Variants in MYO10 observed in about 807,000 individuals in gnomAD.
MYO10 encodes the protein unconventional myosin-X.
In MYO10, 133 loss-of-function variants were observed where a neutral mutation model predicts 257.3. That is an observed-to-expected ratio of 0.52 (90% CI 0.45 to 0.60). The LOEUF is 0.60. Among genes scored for constraint, MYO10 ranks in the 20% least tolerant of loss-of-function variants. MYO10 has a pLI of 0.00. For missense variants in MYO10, 2,399 were observed against 2,635.7 expected (o/e 0.91, Z 1.97); for synonymous variants, 1,104 against 1,028.6 (o/e 1.07, Z -1.40).
At chr5:16,888,973 G>GA (rs1744967401) in intron 1 of MYO10, among the ~76,000 whole-genome samples, 1 of 152,018 alleles carries the variant, frequency 6.6e-6, no homozygotes, top group Admixed American at 6.5e-5. Flanking sequence ...AGAAGTTTGA[G>GA]ACTAGCCTGG....
chr5:16,877,429 A>G (rs1744632974), intron 2 of MYO10, among the ~76,000 whole-genome samples, 180 bp downstream of exon 2: 1 of 152,182 alleles, frequency 6.6e-6, no homozygotes, highest in South Asian at 2.1e-4. Flanking sequence ...AGAGAACTGT[A>G]TTGTATCTAT....
At position 16,895,634 on chromosome 5, in the gene MYO10, C is replaced by A. The variant is rs1238607096; in HGVS notation, c.22-17927G>T. On this transcript the variant is annotated intron_variant, in intron 1 of 40. Coordinates refer to ENST00000513610, the MANE Select transcript of MYO10 (RefSeq NM_012334.3). ...CCTTCCCCAGCAGGACACTGAGACA[C>A]CCAAAGGAATTTCCTAGGGGTGGAT... Among the ~76,000 whole-genome samples, 5 of 152,074 alleles carry A rather than the reference C, an allele frequency of 3.3e-5. No homozygotes were observed. In the East Asian group the frequency reaches 9.7e-4, roughly 29 times the overall value.
rs535255854 is a variant in MYO10 at position 16,784,334 on chromosome 5, G to A, written c.468-865C>T. ...CAGAGGCAAGTGCAGGAGCTGGAGG[G>A]TGGTGATGACCTCATCAAGGCCACC... On this transcript the variant is annotated intron_variant, in intron 4 of 40. Transcript: ENST00000513610. 2.0e-5 allele frequency among the ~76,000 whole-genome samples: 3 copies of A among 152,360 alleles called. No individual in the cohort carries two copies. In the South Asian group the frequency reaches 6.2e-4, roughly 32 times the overall value.
Position 16,672,806 on chromosome 5 carries a change from C to T in MYO10, c.5192G>A (p.Arg1731Gln), listed in dbSNP as rs778071290. The change falls in exon 37 of 41, where the codon CGA becomes CAA. Residue 1731 changes from arginine to glutamine, a missense_variant. This residue lies in a region of MYO10 where 1,820 missense variants were observed against 1,939.4 expected (regional missense o/e 0.94). Coordinates refer to ENST00000513610, the MANE Select transcript of MYO10 (RefSeq NM_012334.3). ...CCTGCTGTCCTCCATGGCCAGGCCTCGGATCAGCTTCTCCACCACCTGGAA... is the reference window on the plus strand; with the variant it reads ...CCTGCTGTCCTCCATGGCCAGGCCTTGGATCAGCTTCTCCACCACCTGGAA... ...TAGEVVEKLI[R>Q]GLAMEDSRNM... 8 of 1,613,400 alleles carry T rather than the reference C, an allele frequency of 5.0e-6. No homozygotes were observed. The highest frequency in any genetic ancestry group is 4.0e-5 in the African/African-American group (3 of 74,924).
chr5:16,796,940 A>C (rs1031743400), intron 3 of MYO10, among the ~76,000 whole-genome samples: 33 of 152,152 alleles, frequency 2.2e-4, no homozygotes, highest in African/African-American at 7.7e-4. Context: ...TGAACACACA[A>C]AAAGACACCA....
chr5:16,884,392 T>TAAAAATA (rs1744838979), intron 1 of MYO10, among the ~76,000 whole-genome samples: 1 of 151,922 alleles, frequency 6.6e-6, no homozygotes, highest in Non-Finnish European at 1.5e-5. Context: ...CTCCAAAAAA[T>TAAAAATA]AAAAATAAAA....
At chr5:16,864,155 T>A (rs1361615263) in intron 2 of MYO10, among the ~76,000 whole-genome samples, 3 of 151,770 alleles carry the variant, frequency 2.0e-5, no homozygotes, top group Non-Finnish European at 4.4e-5. Context: ...GCTATTTTTT[T>A]TTTTTTTTTT....
At chr5:16,892,764 T>C (rs576687318) in intron 1 of MYO10, among the ~76,000 whole-genome samples, 1 of 152,302 alleles carries the variant, frequency 6.6e-6, no homozygotes, top group African/African-American at 2.4e-5. Flanking sequence ...AGCCCTCATA[T>C]TGCTTTAATT....
chr5:16,780,909 T>C (rs571254633), intron 6 of MYO10, among the ~76,000 whole-genome samples, 168 bp from the exon 7 acceptor site: 2 of 152,290 alleles, frequency 1.3e-5, no homozygotes, highest in African/African-American at 4.8e-5. Context: ...ATAGACTATT[T>C]CATCTAAATC....
rs573172898 is a variant in MYO10 at position 16,805,455 on chromosome 5, T to C, written c.280-10622A>G. Among the ~76,000 whole-genome samples, 86 of 88,760 alleles carry C rather than the reference T, an allele frequency of 9.7e-4. 1 individual carries two copies. The highest frequency in any genetic ancestry group is 3.0e-3 in the Admixed American group (20 of 6,604). The allele number at this position is 88,760 out of a possible 152,430, so 58.2% of individuals were successfully genotyped here. On this transcript the variant is annotated intron_variant, in intron 3 of 40. Coordinates refer to ENST00000513610, the MANE Select transcript of MYO10 (RefSeq NM_012334.3). Reference sequence around the variant, plus strand: ...GCCCGGGCAACACAGTGAGACTCCATCTCAAAAAAAAAAAAAAAAAAAAAA... The same window carrying C: ...GCCCGGGCAACACAGTGAGACTCCACCTCAAAAAAAAAAAAAAAAAAAAAA...
intron 27 of MYO10, 108 bp from the exon 28 acceptor site, chr5:16,690,027 T>A: frequency 1.3e-6 from 1 of 795,178 alleles, no homozygotes; most frequent in Non-Finnish European, 2.1e-6. Context: ...TGTCTGTTAC[T>A]GACGAAACGG....
intron 19 of MYO10, among the ~76,000 whole-genome samples, chr5:16,728,577 G>T (rs948328268): frequency 1.3e-5 from 2 of 151,372 alleles, no homozygotes; most frequent in African/African-American, 4.9e-5. Flanking sequence ...GGCATATAAT[G>T]ACACCTAATA....
rs750572381 is a variant in MYO10, at chr5:16,679,968, C to A, written c.4521G>T (p.Gln1507His). 2 of 1,613,814 alleles carry A rather than the reference C, an allele frequency of 1.2e-6. No homozygotes were observed. The change falls in exon 33 of 41, where the codon CAG (glutamine) becomes CAT (histidine). Residue 1507 changes from glutamine to histidine, a missense_variant. Gln to His is a conservative substitution (Grantham distance 24). This residue lies in a region of MYO10 where 1,820 missense variants were observed against 1,939.4 expected (regional missense o/e 0.94). Coordinates refer to ENST00000513610, the MANE Select transcript of MYO10 (RefSeq NM_012334.3). ...DTKAPIDTPT[Q>H]QLIQDIKENC... is the part of the protein sequence containing the mutation. Reference sequence around the variant, plus strand: ...TTACCTTGATATCTTGAATCAGCTGCTGGGTGGGGGTGTCGATCGGGGCCT... The same window carrying A: ...TTACCTTGATATCTTGAATCAGCTGATGGGTGGGGGTGTCGATCGGGGCCT...
intron 22 of MYO10, 99 bp from the exon 23 acceptor site, chr5:16,703,257 A>G: frequency 1.1e-6 from 1 of 896,494 alleles, no homozygotes; most frequent in South Asian, 1.8e-5. Flanking sequence ...AAGAGGACCC[A>G]GTTTTAGAAT....
intron 19 of MYO10, among the ~76,000 whole-genome samples, chr5:16,740,786 A>T (rs1273039944): frequency 6.6e-6 from 1 of 152,168 alleles, no homozygotes; most frequent in Non-Finnish European, 1.5e-5. Context: ...TAAGAGAGGT[A>T]GAAAATATGT....
Position 16,662,418 on chromosome 5 carries a change from G to C in MYO10, c.*4274C>G, listed in dbSNP as rs908591477. 2 of 137,522 alleles carry C rather than the reference G, an allele frequency of 1.5e-5. No homozygotes were observed. Among genetic ancestry groups the C allele is most frequent in the Non-Finnish European group, 3.0e-5 (2 of 66,140 alleles). 8.5% of individuals were successfully genotyped at this position (137,522 alleles called of 1,614,324 possible). A position where few individuals can be genotyped will look rare whatever the true frequency, so the allele number is the denominator to read the frequency against. On this transcript the variant is annotated 3_prime_UTR_variant, in exon 41 of 41. Transcript: ENST00000513610. ...GGCTCCCTGCAGCTTTGACCTCCTGGGTTCAAACGATTTTCTCATCTCAGC... is the reference window on the plus strand; with the variant it reads ...GGCTCCCTGCAGCTTTGACCTCCTGCGTTCAAACGATTTTCTCATCTCAGC...
intron 19 of MYO10, chr5:16,741,990 G>C: frequency 1.0e-6 from 1 of 985,360 alleles, no homozygotes; most frequent in Non-Finnish European, 1.2e-6. Context: ...CTACTCAAAG[G>C]AAGTCCAGCC....
At position 16,701,545 on chromosome 5, in the gene MYO10, G is replaced by A. The variant is rs909212533; in HGVS notation, c.2850C>T (p.Ile950=). ...EFLESLNFDE[I]DECVRNIERS... ...GCTCGATATTCCGGACACACTCGTC[G>A]ATCTCGTCGAAATTGAGGGACTCGA... Residue 950 remains isoleucine, a synonymous_variant, in exon 25 of 41, where the codon ATC becomes ATT. Transcript: ENST00000513610. This position sits in a 1 kb window ranked among gnomAD's most constrained non-coding sequence, Gnocchi z 8.1. The A allele has an allele frequency of 9.3e-6, 15 of 1,613,758 alleles. No individual in the cohort carries two copies. The highest frequency in any genetic ancestry group is 4.5e-5 in the East Asian group (2 of 44,856).
intron 26 of MYO10, among the ~76,000 whole-genome samples, chr5:16,698,622 A>ACTTTTTTT (rs1737872155): frequency 1.1e-5 from 1 of 91,812 alleles, no homozygotes; most frequent in Admixed American, 9.8e-5. Flanking sequence ...GAGAACATGC[A>ACTTTTTTT]GTTTTTTTTT....
Sources: allele counts gnomAD v4.1 joint callset (sites outside exome capture counted in the v4.1 genomes callset), GRCh38; gene constraint gnomAD v4.1.1; regional missense constraint gnomAD v4.1.1; non-coding constraint Gnocchi (gnomAD v3.1); transcripts MANE v1.5; gene names NCBI Gene and HGNC (gene_info 2026-07-23, HGNC 2026-07-21).